The following HMCN2 variants were observed in gnomAD, a reference collection of about 807,000 sequenced individuals.
The protein encoded by HMCN2 is hemicentin 2.
HMCN2 carries 325 observed loss-of-function variants against 377.5 expected under a neutral mutation model. The ratio of observed to expected loss-of-function variants is 0.86; its 90% CI spans 0.79 to 0.94. The LOEUF (loss-of-function observed/expected upper bound fraction) is 0.94, where lower values mean the gene tolerates loss of function less well. Ranked by LOEUF, HMCN2 falls within the 40% of genes least tolerant of loss-of-function variation. The probability of loss-of-function intolerance (pLI) is 0.00; values close to 1 mark genes in which losing one functional copy is unlikely to be tolerated. For synonymous variants in HMCN2, 2,007 were observed against 2,046.8 expected (o/e 0.98, Z 0.53); for missense variants, 4,543 against 4,725.3 (o/e 0.96, Z 1.13).
Position 130,430,395 on chromosome 9 carries a change from A to G in HMCN2, c.14438A>G (p.Lys4813Arg). 6.5e-7 allele frequency: 1 copy of G among 1,550,360 alleles called. No homozygotes were observed. Among genetic ancestry groups the G allele is most frequent in the South Asian group, 1.2e-5 (1 of 84,064 alleles). ...GGCCAGACCCTCCTTCGCGACGGCA[A>G]GGCCTGCACCTCACTGGAGCGGAAT... ...PPGQTLLRDG[K>R]ACTSLERNGQ... Residue 4813 changes from lysine to arginine, a missense_variant, in exon 95 of 98, where the codon AAG (lysine) becomes AGG (arginine). By Grantham distance (26) the Lys-to-Arg change is conservative (BLOSUM62 2). This residue lies in a region of HMCN2 where 1,155 missense variants were observed against 1,157.7 expected (regional missense o/e 1.00). Transcript: ENST00000683500.
Position 130,375,745 on chromosome 9 carries a change from C to T in HMCN2, c.7804+9C>T, listed in dbSNP as rs556480822. 6 of 985,692 alleles carry T rather than the reference C, an allele frequency of 6.1e-6. No homozygotes were observed. In the African/African-American group the frequency reaches 7.0e-5, roughly 11 times the overall value. The allele number at this position is 985,692 out of a possible 1,614,324, so 61.1% of individuals were successfully genotyped here. On this transcript the variant is annotated intron_variant, in intron 50 of 97. Coordinates refer to ENST00000683500, the MANE Select transcript of HMCN2 (RefSeq NM_001291815.2). ...CATCCAGCTGCTCCCAGGTGACGCC[C>T]TCTGGGGGGAAAGGAGGGAGGGAAC...
At chr9:130,295,172 A>G in intron 5 of HMCN2, 146 bp downstream of exon 5, 1 of 286,582 alleles carries the variant, frequency 3.5e-6, no homozygotes, top group Non-Finnish European at 7.0e-6. Context: ...GGGGACACGA[A>G]GTGGAGAGAG....
chr9:130,394,371 A>T lies in HMCN2; in HGVS notation c.10502-14A>T. ...GTGTGTCAATTGTGTGTTCCCCTCC[A>T]TGGTGGCTTGCAGAGCCCCCTCACA... is the stretch of plus-strand genomic sequence containing the variant. On this transcript the variant is annotated splice_polypyrimidine_tract_variant and intron_variant, in intron 68 of 97. Coordinates refer to ENST00000683500, the MANE Select transcript of HMCN2 (RefSeq NM_001291815.2). The surrounding 1 kb of genome is among the most constrained non-coding windows in gnomAD (Gnocchi z 5.1). 7.8e-7 allele frequency: 1 copy of T among 1,286,614 alleles called. No individual in the cohort carries two copies. Among genetic ancestry groups the T allele is most frequent in the South Asian group, 1.2e-5 (1 of 80,864 alleles). 79.7% of individuals were successfully genotyped at this position (1,286,614 alleles called of 1,614,324 possible).
Position 130,347,954 on chromosome 9 carries a change from A to G in HMCN2, c.4025-591A>G, listed in dbSNP as rs374931845. 6 of 981,876 alleles carry G rather than the reference A, an allele frequency of 6.1e-6. No individual in the cohort carries two copies. In the East Asian group the frequency reaches 4.6e-4, roughly 75 times the overall value. 60.8% of individuals were successfully genotyped at this position (981,876 alleles called of 1,614,324 possible). A position where few individuals can be genotyped will look rare whatever the true frequency, so the allele number is the denominator to read the frequency against. ...ACTGTTACCCCTGGTCTCTTCTCAC[A>G]TTCTTGTCCTCAGCAGGGAGAGCGC... is the stretch of plus-strand genomic sequence containing the variant. On this transcript the variant is annotated intron_variant, in intron 26 of 97. Transcript: ENST00000683500. The surrounding 1 kb of genome is among the most constrained non-coding windows in gnomAD (Gnocchi z 5.1).
intron 1 of HMCN2, among the ~76,000 whole-genome samples, chr9:130,271,032 T>G (rs1161356874): frequency 6.7e-6 from 1 of 149,038 alleles, no homozygotes; most frequent in Non-Finnish European, 1.5e-5. Context: ...TCAGCTCTTT[T>G]CCCTCAGTCA....
intron 77 of HMCN2, among the ~76,000 whole-genome samples, chr9:130,402,330 G>A (rs562291381): frequency 7.2e-5 from 11 of 152,330 alleles, no homozygotes; most frequent in African/African-American, 2.4e-4. Context: ...TTAAAATGGT[G>A]TTCACTGAGT....
At chr9:130,427,696 C>A in intron 92 of HMCN2, 77 bp downstream of exon 92, 1 of 1,464,088 alleles carries the variant, frequency 6.8e-7, no homozygotes, top group Admixed American at 2.5e-5. Context: ...TCCCCAGGGC[C>A]AGGACCCTGG....
chr9:130,353,979 C>T (rs563628188), intron 31 of HMCN2, among the ~76,000 whole-genome samples: 2 of 152,244 alleles, frequency 1.3e-5, no homozygotes, highest in Non-Finnish European at 2.9e-5. Context: ...CCTCAAAGGG[C>T]AGCTGAGCTG....
Position 130,425,761 on chromosome 9 carries a change from C to T in HMCN2, c.13716C>T (p.Gly4572=), listed in dbSNP as rs148355972. 1,289 of 1,550,488 alleles carry T rather than the reference C, an allele frequency of 8.3e-4. 9 individuals carry two copies. The East Asian group carries it at 0.022, about 26-fold the overall frequency. The part of the protein sequence containing the change: ...FVGSTQRFFQ[G]GLPSFLRCNH... ...GCTCCACACAGCGCTTCTTCCAGGG[C>T]GGCCTCCCCTCGTTCCTACGCTGCA... The change falls in exon 90 of 98, where the codon GGC becomes GGT. Residue 4572 remains glycine (G), a synonymous_variant. Transcript: ENST00000683500.
chr9:130,326,361 A>G (rs1049506305), intron 21 of HMCN2, among the ~76,000 whole-genome samples: 17,495 of 151,984 alleles, frequency 0.12, 1,581 homozygotes, highest in East Asian at 0.52. Context: ...GGCACCCGTC[A>G]CAGCTATGAT....
At chr9:130,399,429 G>C (rs1842761211) in intron 75 of HMCN2, 82 bp from the exon 76 acceptor site, 1 of 1,175,068 alleles carries the variant, frequency 8.5e-7, no homozygotes, top group Admixed American at 3.3e-5. Flanking sequence ...GGGGAAATGG[G>C]CGTGAGACCC....
intron 22 of HMCN2, among the ~76,000 whole-genome samples, chr9:130,336,598 C>G (rs1838759086): frequency 6.6e-6 from 1 of 152,160 alleles, no homozygotes; most frequent in South Asian, 2.1e-4. Context: ...AGCCCAGTGC[C>G]TGGGCTCTAG....
Position 130,355,841 on chromosome 9 carries a change from G to A in HMCN2, c.5242G>A (p.Val1748Ile). ...ELPCQASGSP[V>I]PTIQWLQNGR... is the part of the protein sequence containing the mutation. ...TCCCTGCCAGGCCTCAGGCTCCCCA[G>A]TACCCACTATCCAGTGAGTCTGGGG... Residue 1748 changes from valine to isoleucine, a missense_variant, in exon 33 of 98, where the codon GTA (valine) becomes ATA (isoleucine). Transcript: ENST00000683500. 3.1e-6 allele frequency: 4 copies of A among 1,303,202 alleles called. No homozygotes were observed. The highest frequency in any genetic ancestry group is 3.0e-6 in the Non-Finnish European group (3 of 988,252). 80.7% of individuals were successfully genotyped at this position (1,303,202 alleles called of 1,614,324 possible).
At chr9:130,417,016 A>G (rs924675661) in intron 85 of HMCN2, among the ~76,000 whole-genome samples, 11 of 151,826 alleles carry the variant, frequency 7.2e-5, no homozygotes, top group African/African-American at 2.4e-4. Context: ...GGTTCAAGCA[A>G]TTCTCCTGTG....
At position 130,278,156 on chromosome 9, in the gene HMCN2, G is replaced by A. The variant is rs189786803; in HGVS notation, c.260-6447G>A. On this transcript the variant is annotated intron_variant, in intron 1 of 97. Transcript: ENST00000683500. ...TGGTTTTTTTTTGAGACGCAGTCTC[G>A]CTCTGTCACCCAGGGTGGAGTGCAG... Among the ~76,000 whole-genome samples, 346 of 152,052 alleles carry A rather than the reference G, an allele frequency of 2.3e-3. 2 individuals carry two copies. The highest frequency in any genetic ancestry group is 8.1e-3 in the African/African-American group (334 of 41,430).
chr9:130,395,383 T>A (rs1842560937), intron 71 of HMCN2, 36 bp downstream of exon 71: 4 of 1,265,696 alleles, frequency 3.2e-6, no homozygotes, highest in Non-Finnish European at 4.1e-6. Flanking sequence ...TGCTGCCTTC[T>A]GTCCCGCTCA....
In HMCN2 at chr9:130,398,670, C is replaced by T. The variant is rs1022619293; in HGVS notation, c.11446C>T (p.Gln3816Ter). 4.9e-5 allele frequency: 63 copies of T among 1,289,556 alleles called. No homozygotes were observed. The highest frequency in any genetic ancestry group is 5.8e-5 in the Non-Finnish European group (57 of 988,742). The allele number at this position is 1,289,556 out of a possible 1,614,324, so 79.9% of individuals were successfully genotyped here. The change falls in exon 75 of 98, where the codon CAG (glutamine) becomes TAG (stop). Residue 3816 changes from glutamine to a stop codon, truncating the protein, a stop_gained. Coordinates refer to ENST00000683500, the MANE Select transcript of HMCN2 (RefSeq NM_001291815.2). LOFTEE classifies it high-confidence loss of function. The part of the protein sequence containing the change: ...KPLVVWWKDG[Q>*]KLDFRLQQGA... ...CCTGGTGGTCTGGTGGAAGGACGGA[C>T]AGAAGCTGGACTTCCGCCTGCAGCA...
At position 130,324,236 on chromosome 9, in the gene HMCN2, G is replaced by A. The variant is rs1225726925; in HGVS notation, c.2921-1359G>A. Among the ~76,000 whole-genome samples, 4 of 152,164 alleles carry A rather than the reference G, an allele frequency of 2.6e-5. No individual in the cohort carries two copies. The East Asian group carries it at 5.8e-4, about 22-fold the overall frequency. On this transcript the variant is annotated intron_variant, in intron 19 of 97. Transcript: ENST00000683500. ...CTGCCTCCTATCTCTATGAACTTGC[G>A]TATCTAGGGACTTCATAGAAGTGGA... is the stretch of plus-strand genomic sequence containing the variant.
intron 33 of HMCN2, 49 bp from the exon 34 acceptor site, chr9:130,356,039 G>A (rs1220389297): frequency 1.7e-6 from 2 of 1,164,612 alleles, no homozygotes; most frequent in African/African-American, 1.6e-5. Flanking sequence ...TGCCTGGCCT[G>A]GCCTTCCCTG....
Sources: allele counts gnomAD v4.1 joint callset (sites outside exome capture counted in the v4.1 genomes callset), GRCh38; gene constraint gnomAD v4.1.1; regional missense constraint gnomAD v4.1.1; non-coding constraint Gnocchi (gnomAD v3.1); transcripts MANE v1.5; gene names NCBI Gene and HGNC (gene_info 2026-07-23, HGNC 2026-07-21).